CALN1: variants seen among roughly 807,000 people sequenced by gnomAD.
CALN1 encodes the protein calcium-binding protein 8.
CALN1 carries 17 observed loss-of-function variants against 30.6 expected under a neutral mutation model. The observed-to-expected ratio is 0.56, with a 90% CI of 0.38 to 0.83. The LOEUF is 0.83. CALN1 is among the 40% of genes least tolerant of loss of function. The pLI, the probability that CALN1 is intolerant of heterozygous loss-of-function variation, is 0.00. For missense variants in CALN1, 291 were observed against 354.9 expected, an observed-to-expected ratio of 0.82 and a Z score of 1.45; for synonymous variants, 156 against 131.4, an observed-to-expected ratio of 1.19 and a Z score of -1.28.
chr7:72,360,623 C>CT (rs1454142919), intron 2 of CALN1, among the ~76,000 whole-genome samples: 2 of 148,428 alleles, frequency 1.3e-5, no homozygotes, highest in Non-Finnish European at 3.0e-5. Context: ...TTTTATTATA[C>CT]TTTAAGTTCT....
chr7:72,166,558 C>A (rs1462579299), intron 3 of CALN1, among the ~76,000 whole-genome samples: 3 of 152,192 alleles, frequency 2.0e-5, no homozygotes, highest in African/African-American at 7.2e-5. Flanking sequence ...ATTTCTATTA[C>A]TTGCTACAAA....
rs35199448 is a variant in CALN1, at chr7:71,915,752, C to CA, written c.502-105261dup. ...CGTCTCAAAACAAAAACCAACCAAA[C>CA]AAAAAAAAAACCCAATCTGCCCAAG... On this transcript the variant is annotated intron_variant, in intron 5 of 6. Coordinates refer to ENST00000395275, the MANE Select transcript of CALN1 (RefSeq NM_031468.4). 3.3e-4 allele frequency among the ~76,000 whole-genome samples: 50 copies of CA among 149,908 alleles called. 1 individual carries two copies. In the East Asian group the frequency reaches 3.9e-3, roughly 12 times the overall value.
intron 2 of CALN1, among the ~76,000 whole-genome samples, chr7:72,395,694 G>A (rs1267556334): frequency 1.3e-5 from 2 of 152,172 alleles, no homozygotes; most frequent in East Asian, 1.9e-4. Flanking sequence ...GGGTGAAAGA[G>A]TGATGAAAAG....
chr7:71,802,316 T>A (rs1393731156), intron 6 of CALN1, among the ~76,000 whole-genome samples: 2 of 152,178 alleles, frequency 1.3e-5, no homozygotes, highest in Non-Finnish European at 2.9e-5. Flanking sequence ...GAGCTTATGA[T>A]CTCTAAAACC....
At chr7:71,984,305 A>G (rs975664989) in intron 5 of CALN1, among the ~76,000 whole-genome samples, 4 of 152,238 alleles carry the variant, frequency 2.6e-5, no homozygotes, top group Admixed American at 6.5e-5. Flanking sequence ...CCAGCCAAGT[A>G]GAATTAAATG....
At chr7:72,330,616 T>A (rs1328971714) in intron 2 of CALN1, among the ~76,000 whole-genome samples, 1 of 152,228 alleles carries the variant, frequency 6.6e-6, no homozygotes, top group Non-Finnish European at 1.5e-5. Context: ...ACCATCTCTG[T>A]CTGACGAATT....
chr7:72,232,971 G>T (rs1794217282), intron 3 of CALN1, among the ~76,000 whole-genome samples: 1 of 151,742 alleles, frequency 6.6e-6, no homozygotes, highest in South Asian at 2.1e-4. Context: ...AGCATGTTTA[G>T]CATGTAACAT....
At chr7:72,130,117 G>A (rs1053785133) in intron 3 of CALN1, among the ~76,000 whole-genome samples, 8 of 152,074 alleles carry the variant, frequency 5.3e-5, no homozygotes, top group South Asian at 4.2e-4. Flanking sequence ...GCACACATCC[G>A]CTCCCCTTCT....
intron 1 of CALN1, among the ~76,000 whole-genome samples, chr7:72,409,246 G>A (rs541037104): frequency 6.6e-6 from 1 of 150,800 alleles, no homozygotes; most frequent in African/African-American, 2.4e-5. Context: ...TACCCGCCTC[G>A]GCCTCCCAAA....
At chr7:71,847,648 C>T (rs534147470) in intron 5 of CALN1, among the ~76,000 whole-genome samples, 24 of 145,938 alleles carry the variant, frequency 1.6e-4, no homozygotes, top group Middle Eastern at 3.5e-3. Flanking sequence ...CACCACTGCA[C>T]GCCAGCCTGG....
At chr7:72,039,183 T>A (rs1178176879) in intron 4 of CALN1, among the ~76,000 whole-genome samples, 1 of 152,192 alleles carries the variant, frequency 6.6e-6, no homozygotes. Flanking sequence ...AATTTAAAAA[T>A]TAAACAGTGA....
intron 5 of CALN1, among the ~76,000 whole-genome samples, chr7:71,937,530 G>A (rs1302863241): frequency 6.6e-6 from 1 of 152,082 alleles, no homozygotes; most frequent in Non-Finnish European, 1.5e-5. Flanking sequence ...CCAGACGGGA[G>A]TCCGGTGGTG....
chr7:72,409,661 T>A (rs1353989969), intron 1 of CALN1, among the ~76,000 whole-genome samples: 2 of 151,978 alleles, frequency 1.3e-5, no homozygotes, highest in Non-Finnish European at 2.9e-5. Context: ...GAAAATCTAA[T>A]GTTTGGGAAT....
chr7:72,418,513 A>G (rs1252133399), intron 1 of CALN1, among the ~76,000 whole-genome samples: 1 of 152,038 alleles, frequency 6.6e-6, no homozygotes, highest in Non-Finnish European at 1.5e-5. Flanking sequence ...GTCGCACTGC[A>G]CCCTCCAGGG....
chr7:71,854,561 G>A (rs1021366184), intron 5 of CALN1, among the ~76,000 whole-genome samples: 3 of 152,172 alleles, frequency 2.0e-5, no homozygotes, highest in African/African-American at 7.2e-5. Flanking sequence ...GTAAGGACCT[G>A]GTTCTTTTTC....
intron 3 of CALN1, among the ~76,000 whole-genome samples, chr7:72,218,292 C>CA (rs1282515154): frequency 1.3e-5 from 2 of 151,530 alleles, no homozygotes; most frequent in Non-Finnish European, 2.9e-5. Context: ...ACTAAAAATA[C>CA]AAAAAATTAT....
At chr7:72,308,403 G>A (rs924916433) in intron 2 of CALN1, among the ~76,000 whole-genome samples, 22 of 129,672 alleles carry the variant, frequency 1.7e-4, no homozygotes, top group Admixed American at 6.3e-4. Context: ...GAGAGAGAGA[G>A]AGGAAAGAAA....
intron 5 of CALN1, among the ~76,000 whole-genome samples, chr7:71,837,772 C>T (rs1441958355): frequency 6.6e-6 from 1 of 151,978 alleles, no homozygotes; most frequent in Non-Finnish European, 1.5e-5. Flanking sequence ...AAAACAAAGG[C>T]CTTAAACACA....
intron 3 of CALN1, among the ~76,000 whole-genome samples, chr7:72,252,539 G>A (rs1795629345): frequency 6.6e-6 from 1 of 151,784 alleles, no homozygotes; most frequent in African/African-American, 2.4e-5. Context: ...CCCAGGGTGG[G>A]TGGAGGTTGC....
Sources: allele counts gnomAD v4.1 joint callset (sites outside exome capture counted in the v4.1 genomes callset), GRCh38; gene constraint gnomAD v4.1.1; transcripts MANE v1.5; gene names NCBI Gene and HGNC (gene_info 2026-07-23, HGNC 2026-07-21).